CRLF3: variants seen among roughly 807,000 people sequenced by gnomAD.
The protein encoded by CRLF3 is cytokine receptor-like factor 3.
In CRLF3, 33 loss-of-function variants were observed where a neutral mutation model predicts 55.0. The observed-to-expected ratio is 0.60, with a 90% CI of 0.46 to 0.80. The LOEUF (loss-of-function observed/expected upper bound fraction) is 0.80, where lower values mean the gene tolerates loss of function less well. CRLF3 is among the 30% of genes least tolerant of loss of function. The pLI is 0.00. For missense variants in CRLF3, 494 were observed against 538.4 expected (o/e 0.92, Z 0.82); for synonymous variants, 238 against 196.8 (o/e 1.21, Z -1.75).
At position 30,792,467 on chromosome 17, in the gene CRLF3, T is replaced by G. The variant is rs749320687; in HGVS notation, c.932A>C (p.Tyr311Ser). 1 of 1,611,998 alleles carries G rather than the reference T, an allele frequency of 6.2e-7. No individual in the cohort carries two copies. Reference protein sequence around the residue: ...SGVLYSRAPTYFCGQTLTFRV... With the variant: ...SGVLYSRAPTSFCGQTLTFRV... Reference sequence around the variant, plus strand: ...GAATGTTAATGTCTGCCCACAGAAATAAGTCGGAGCTCTGGAGTAGAGAAC... The same window carrying G: ...GAATGTTAATGTCTGCCCACAGAAAGAAGTCGGAGCTCTGGAGTAGAGAAC... Residue 311 changes from tyrosine (Y) to serine (S), a missense_variant, in exon 6 of 8, where the codon TAT becomes TCT. Physicochemically the swap from Tyr to Ser is moderately radical, Grantham distance 144. Coordinates refer to ENST00000324238, the MANE Select transcript of CRLF3 (RefSeq NM_015986.4).
At chr17:30,822,773 T>G (rs1305555201) in intron 1 of CRLF3, among the ~76,000 whole-genome samples, 2 of 152,186 alleles carry the variant, frequency 1.3e-5, no homozygotes, top group African/African-American at 4.8e-5. Context: ...CTCTGATTCT[T>G]AATTGCTAAT....
chr17:30,786,034 G>A lies in CRLF3; in HGVS notation c.960-3C>T, dbSNP rs1477319755. ...CTGGCTGTCCCACAGTTTCAACTCTGTAAATGAAGTAGAAAGGTCATTTCA... is the reference window on the plus strand; with the variant it reads ...CTGGCTGTCCCACAGTTTCAACTCTATAAATGAAGTAGAAAGGTCATTTCA... On this transcript the variant is annotated splice_region_variant and splice_polypyrimidine_tract_variant and intron_variant, in intron 6 of 7. Transcript: ENST00000324238. 3 of 1,491,590 alleles carry A rather than the reference G, an allele frequency of 2.0e-6. No individual in the cohort carries two copies. The highest frequency in any genetic ancestry group is 2.3e-5 in the East Asian group (1 of 44,262). The allele number at this position is 1,491,590 out of a possible 1,614,324, so 92.4% of individuals were successfully genotyped here. A position where few individuals can be genotyped will look rare whatever the true frequency, so the allele number is the denominator to read the frequency against.
At chr17:30,805,744 C>A (rs980686279) in intron 1 of CRLF3, among the ~76,000 whole-genome samples, 3 of 149,736 alleles carry the variant, frequency 2.0e-5, no homozygotes, top group South Asian at 4.2e-4. Flanking sequence ...AAGCCATGGT[C>A]AGGTGCAGTG....
At chr17:30,792,300 A>C in intron 6 of CRLF3, 140 bp downstream of exon 6, 1 of 668,754 alleles carries the variant, frequency 1.5e-6, no homozygotes, top group Non-Finnish European at 2.5e-6. Flanking sequence ...CAGCTACAGG[A>C]AATAAAGAAG....
At position 30,783,048 on chromosome 17, in the gene CRLF3, TA is replaced by T. The variant is rs1218081245; in HGVS notation, c.*1138del. The T allele has an allele frequency of 2.6e-5, 4 of 152,226 alleles. No homozygotes were observed. The highest frequency in any genetic ancestry group is 6.5e-5 in the Admixed American group (1 of 15,274). The allele number at this position is 152,226 out of a possible 1,614,324, so 9.4% of individuals were successfully genotyped here. A position where few individuals can be genotyped will look rare whatever the true frequency, so the allele number is the denominator to read the frequency against. Reference sequence around the variant, plus strand: ...TTAAAAAAAATAAGTATTTACGCTATATTTTTTTGCTCTGCTAAAAAGAGAC... The same window carrying T: ...TTAAAAAAAATAAGTATTTACGCTATTTTTTTTGCTCTGCTAAAAAGAGAC... On this transcript the variant is annotated 3_prime_UTR_variant, in exon 8 of 8. Transcript: ENST00000324238.
At chr17:30,807,846 G>A (rs942580916) in intron 1 of CRLF3, among the ~76,000 whole-genome samples, 2 of 151,886 alleles carry the variant, frequency 1.3e-5, no homozygotes, top group African/African-American at 4.8e-5. Flanking sequence ...TGACATTAAC[G>A]CAGTTATAAT....
In CRLF3 at chr17:30,784,372, A is replaced by T; in HGVS notation, c.1144T>A (p.Phe382Ile). 6.2e-7 allele frequency: 1 copy of T among 1,613,462 alleles called. No individual in the cohort carries two copies. Among genetic ancestry groups the T allele is most frequent in the Non-Finnish European group, 8.5e-7 (1 of 1,179,362 alleles). Residue 382 changes from phenylalanine (F) to isoleucine (I), a missense_variant, in exon 8 of 8, where the codon TTT becomes ATT. Transcript: ENST00000324238. ...PAVTSGSTVTFDIEAVTLGTT... is the reference protein window; with the variant it reads ...PAVTSGSTVTIDIEAVTLGTT... ...CCTAGAGTCACGGCTTCAATGTCAAACGTGACAGTGGACCCAGAAGTAACT... is the reference window on the plus strand; with the variant it reads ...CCTAGAGTCACGGCTTCAATGTCAATCGTGACAGTGGACCCAGAAGTAACT...
chr17:30,795,846 G>T (rs1339799707), intron 4 of CRLF3, among the ~76,000 whole-genome samples: 1 of 152,094 alleles, frequency 6.6e-6, no homozygotes, highest in Non-Finnish European at 1.5e-5. Context: ...CGAAGCAGGA[G>T]AATGGCTTGA....
At chr17:30,789,854 C>G (rs1011617353) in intron 6 of CRLF3, among the ~76,000 whole-genome samples, 1 of 152,096 alleles carries the variant, frequency 6.6e-6, no homozygotes, top group Admixed American at 6.6e-5. Context: ...TCTGTCATTG[C>G]ACAGAAATAC....
intron 6 of CRLF3, among the ~76,000 whole-genome samples, chr17:30,790,451 G>T (rs935452417): frequency 2.0e-5 from 3 of 152,052 alleles, no homozygotes; most frequent in African/African-American, 7.2e-5. Context: ...AATGGGTAGA[G>T]AAACAACATT....
rs151210670 is a variant in CRLF3 at position 30,793,913 on chromosome 17, A to T, written c.604-241T>A. Among the ~76,000 whole-genome samples, 568 of 151,684 alleles carry T rather than the reference A, an allele frequency of 3.7e-3. 5 individuals are homozygous for T. The highest frequency in any genetic ancestry group is 0.013 in the African/African-American group (548 of 41,330). ...TAGTGCAGTGGCGTGATCTCGGCTT[A>T]TTGCAGCCTCCACACCCCGGGTTCA... On this transcript the variant is annotated intron_variant, in intron 4 of 7. Transcript: ENST00000324238.
chr17:30,783,155 C>T lies in CRLF3; in HGVS notation c.*1032G>A, dbSNP rs1363913372. ...ATGCATGTCACAGGCAGATTGGATA[C>T]ACACGTGCATATTACATACATATGA... On this transcript the variant is annotated 3_prime_UTR_variant, in exon 8 of 8. Coordinates refer to ENST00000324238, the MANE Select transcript of CRLF3 (RefSeq NM_015986.4). The T allele has an allele frequency of 6.6e-6, 1 of 152,182 alleles. No individual in the cohort carries two copies. Among genetic ancestry groups the T allele is most frequent in the Non-Finnish European group, 1.5e-5 (1 of 68,046 alleles). 9.4% of individuals were successfully genotyped at this position (152,182 alleles called of 1,614,324 possible).
At chr17:30,797,979 T>TACCTC (rs574806169) in intron 2 of CRLF3, among the ~76,000 whole-genome samples, 17,970 of 147,688 alleles carry the variant, frequency 0.12, 1,161 homozygotes, top group South Asian at 0.24. Flanking sequence ...GAGGTCTCAC[T>TACCTC]ATGTTGCCCA....
intron 4 of CRLF3, among the ~76,000 whole-genome samples, chr17:30,794,620 A>G (rs1327759606): frequency 6.6e-6 from 1 of 152,054 alleles, no homozygotes; most frequent in East Asian, 1.9e-4. Context: ...CAACACAGCA[A>G]AACCCCATCT....
chr17:30,791,806 G>A (rs1025613016), intron 6 of CRLF3, among the ~76,000 whole-genome samples: 2 of 151,516 alleles, frequency 1.3e-5, no homozygotes, highest in African/African-American at 4.9e-5. Flanking sequence ...GTGAGCCACC[G>A]TGCCTGGCCA....
intron 1 of CRLF3, among the ~76,000 whole-genome samples, chr17:30,818,822 G>GTT (rs57612738): frequency 2.7e-4 from 35 of 131,616 alleles, no homozygotes; most frequent in South Asian, 1.9e-3. Context: ...ACTTTTGAGT[G>GTT]TTTTTTTTTT....
rs879533836 is a variant in CRLF3 at position 30,809,055 on chromosome 17, C to T, written c.130-4947G>A. On this transcript the variant is annotated intron_variant, in intron 1 of 7. Transcript: ENST00000324238. The stretch of plus-strand genomic sequence containing the variant: ...TCTGAGGTCCTGTCTTGCTCTTTAG[C>T]GGATATAGCATACACAGGAAGTGCA... Among the ~76,000 whole-genome samples, 32 of 152,170 alleles carry T rather than the reference C, an allele frequency of 2.1e-4. 1 individual carries two copies. The highest frequency in any genetic ancestry group is 2.1e-4 in the South Asian group (1 of 4,836).
At chr17:30,792,409 A>T in intron 6 of CRLF3, 31 bp downstream of exon 6, 1 of 1,588,984 alleles carries the variant, frequency 6.3e-7, no homozygotes. Flanking sequence ...CTGCTTCCTG[A>T]GGCAGGTGAG....
In CRLF3 at chr17:30,784,316, G is replaced by C; in HGVS notation, c.1200C>G (p.Phe400Leu). ...TTGAACTTATAGTTACTCGAAGCTT[G>C]AAGTGTCCACCTTCATTATTACTGG... ...GTTSNNEGGH[F>L]KLRVTISSNN... is the part of the protein sequence containing the mutation. Residue 400 changes from phenylalanine to leucine, a missense_variant, in exon 8 of 8, where the codon TTC (phenylalanine) becomes TTG (leucine). Transcript: ENST00000324238. 2 of 1,614,172 alleles carry C rather than the reference G, an allele frequency of 1.2e-6. No homozygotes were observed. Among genetic ancestry groups the C allele is most frequent in the Non-Finnish European group, 1.7e-6 (2 of 1,180,018 alleles).
Sources: allele counts gnomAD v4.1 joint callset (sites outside exome capture counted in the v4.1 genomes callset), GRCh38; gene constraint gnomAD v4.1.1; transcripts MANE v1.5; gene names NCBI Gene and HGNC (gene_info 2026-07-23, HGNC 2026-07-21).